The following SLC15A5 variants were observed in gnomAD, a reference collection of about 807,000 sequenced individuals.
SLC15A5 encodes Peptide/histidine transporter ENSP00000340402.
A neutral mutation model predicts 56.1 loss-of-function variants in SLC15A5; 58 were observed. That is an observed-to-expected ratio of 1.03 (90% confidence interval 0.84 to 1.29). The LOEUF is 1.29. Ranked by LOEUF, SLC15A5 falls within the 50% of genes most tolerant of loss-of-function variation. The probability of loss-of-function intolerance (pLI) is 0.00; values close to 1 mark genes in which losing one functional copy is unlikely to be tolerated. For synonymous variants in SLC15A5, 264 were observed against 250.5 expected, an observed-to-expected ratio of 1.05 and a Z score of -0.51; for missense variants, 681 against 672.1, an observed-to-expected ratio of 1.01 and a Z score of -0.15.
intron 7 of SLC15A5, among the ~76,000 whole-genome samples, chr12:16,215,967 C>T (rs573458527): frequency 8.5e-5 from 13 of 152,182 alleles, no homozygotes; most frequent in Admixed American, 2.0e-4. Context: ...AAATATTTTT[C>T]GAATGGAGGT....
chr12:16,256,145 T>C (rs1864569646), intron 3 of SLC15A5, among the ~76,000 whole-genome samples: 1 of 152,230 alleles, frequency 6.6e-6, no homozygotes, highest in Admixed American at 6.5e-5. Context: ...TTCAACTCAA[T>C]AATTTGCAAA....
intron 3 of SLC15A5, among the ~76,000 whole-genome samples, chr12:16,256,019 T>C (rs1864568254): frequency 6.6e-6 from 1 of 152,138 alleles, no homozygotes; most frequent in Non-Finnish European, 1.5e-5. Context: ...TGGAAACAAA[T>C]TTGAGAATCA....
At chr12:16,210,938 C>A (rs571693880) in intron 7 of SLC15A5, among the ~76,000 whole-genome samples, 23 of 152,264 alleles carry the variant, frequency 1.5e-4, no homozygotes, top group African/African-American at 5.3e-4. Flanking sequence ...ATGAGGGGGG[C>A]TTTGCATCTA....
intron 7 of SLC15A5, among the ~76,000 whole-genome samples, chr12:16,214,010 T>C (rs1864107625): frequency 6.6e-6 from 1 of 152,224 alleles, no homozygotes; most frequent in African/African-American, 2.4e-5. Flanking sequence ...GCTTGTATAT[T>C]GAAATCAATG....
intron 1 of SLC15A5, among the ~76,000 whole-genome samples, chr12:16,273,053 A>C (rs953290758): frequency 6.6e-6 from 1 of 151,996 alleles, no homozygotes; most frequent in African/African-American, 2.4e-5. Context: ...GTATGAGCAA[A>C]TCATGTTTAT....
intron 4 of SLC15A5, among the ~76,000 whole-genome samples, chr12:16,241,556 A>T (rs1323709799): frequency 6.6e-6 from 1 of 152,224 alleles, no homozygotes; most frequent in East Asian, 1.9e-4. Flanking sequence ...GACCCTTAGC[A>T]TAGTAAACAA....
intron 7 of SLC15A5, among the ~76,000 whole-genome samples, chr12:16,210,215 A>T (rs1426057388): frequency 4.6e-5 from 7 of 152,108 alleles, no homozygotes; most frequent in Non-Finnish European, 1.0e-4. Context: ...CAGCTTCAAT[A>T]CCATTTCCAG....
rs1452854396 is a variant in SLC15A5 at position 16,235,304 on chromosome 12, A to ATG, written c.1162+4376_1162+4377insCA. On this transcript the variant is annotated intron_variant, in intron 5 of 8. Transcript: ENST00000344941. This position sits in a 1 kb window ranked among gnomAD's most constrained non-coding sequence, Gnocchi z 4.1. ...TATGTATATATGTATATGTATATGT[A>ATG]TATATATGTATATATGTATATGTAT... 2.8e-4 allele frequency among the ~76,000 whole-genome samples: 41 copies of ATG among 148,978 alleles called. No homozygotes were observed. The highest frequency in any genetic ancestry group is 1.0e-3 in the African/African-American group (41 of 40,916).
chr12:16,268,253 T>C (rs1864715264), intron 2 of SLC15A5, among the ~76,000 whole-genome samples: 1 of 67,748 alleles, frequency 1.5e-5, no homozygotes, highest in African/African-American at 5.9e-5. Context: ...GGTATGAACC[T>C]GTAGTCCCAG....
At chr12:16,226,507 T>C (rs1186656521) in intron 5 of SLC15A5, among the ~76,000 whole-genome samples, 4 of 152,174 alleles carry the variant, frequency 2.6e-5, no homozygotes, top group Admixed American at 2.6e-4. Flanking sequence ...TCTTTATATA[T>C]AGCTTTAATT....
chr12:16,199,660 A>G (rs1863932790), intron 7 of SLC15A5, among the ~76,000 whole-genome samples: 7 of 152,190 alleles, frequency 4.6e-5, no homozygotes, highest in Admixed American at 3.3e-4. Flanking sequence ...TAGATATACA[A>G]ATTACCTTGA....
intron 7 of SLC15A5, among the ~76,000 whole-genome samples, chr12:16,209,376 A>C (rs1405479698): frequency 6.6e-6 from 1 of 151,896 alleles, no homozygotes; most frequent in Non-Finnish European, 1.5e-5. Flanking sequence ...TCCAACCTCT[A>C]ATGTTGGGGC....
At chr12:16,201,532 A>G (rs149292845) in intron 7 of SLC15A5, among the ~76,000 whole-genome samples, 4,558 of 152,134 alleles carry the variant, frequency 0.03, 85 homozygotes, top group Admixed American at 0.041. Context: ...TAATCCCCAT[A>G]ATCCCCATGT....
At chr12:16,236,654 C>T (rs1864354677) in intron 5 of SLC15A5, among the ~76,000 whole-genome samples, 1 of 152,200 alleles carries the variant, frequency 6.6e-6, no homozygotes. Flanking sequence ...TGTGATTTTG[C>T]ATGTAAAACA....
chr12:16,226,457 G>A (rs1260690218), intron 5 of SLC15A5, among the ~76,000 whole-genome samples: 3 of 151,818 alleles, frequency 2.0e-5, no homozygotes, highest in Non-Finnish European at 4.4e-5. Flanking sequence ...AAAGATATAT[G>A]AGTCAAAAAT....
chr12:16,198,592 T>A (rs934947956), intron 7 of SLC15A5, among the ~76,000 whole-genome samples: 2 of 152,156 alleles, frequency 1.3e-5, no homozygotes, highest in Admixed American at 1.3e-4. Flanking sequence ...TGACTTTCTT[T>A]AACATCTTCT....
intron 7 of SLC15A5, among the ~76,000 whole-genome samples, chr12:16,207,026 G>A (rs1864026161): frequency 6.6e-6 from 1 of 152,166 alleles, no homozygotes; most frequent in Non-Finnish European, 1.5e-5. Flanking sequence ...AATGCTTTGT[G>A]ATAATAGCCC....
At chr12:16,202,519 T>C (rs1228577913) in intron 7 of SLC15A5, among the ~76,000 whole-genome samples, 8 of 152,130 alleles carry the variant, frequency 5.3e-5, no homozygotes, top group Non-Finnish European at 8.8e-5. Context: ...ACATCTATTA[T>C]GGAAAGCAGT....
intron 3 of SLC15A5, among the ~76,000 whole-genome samples, chr12:16,253,531 A>G (rs1259745702): frequency 6.6e-6 from 1 of 152,162 alleles, no homozygotes; most frequent in Non-Finnish European, 1.5e-5. Context: ...CAATACACAC[A>G]TGAAAAGATG....
Sources: gnomAD v4.1 joint callset for allele counts (sites outside exome capture counted in the v4.1 genomes callset) on GRCh38, gnomAD v4.1.1 for gene constraint, Gnocchi (gnomAD v3.1) non-coding constraint, MANE v1.5 for transcripts, NCBI Gene and HGNC (gene_info 2026-07-23, HGNC 2026-07-21) for gene names.